The following OLFM2 variants were observed in gnomAD, a reference collection of about 807,000 sequenced individuals.
The protein encoded by OLFM2 is olfactomedin 2.
A neutral mutation model predicts 43.9 loss-of-function variants in OLFM2; 20 were observed. The ratio of observed to expected loss-of-function variants is 0.46; its 90% CI spans 0.32 to 0.66. The LOEUF (loss-of-function observed/expected upper bound fraction) is 0.66. Ranked by LOEUF, OLFM2 falls within the 30% of genes least tolerant of loss-of-function variation. OLFM2 has a pLI of 0.04. For synonymous variants in OLFM2, 268 were observed against 278.6 expected, an observed-to-expected ratio of 0.96 and a Z score of 0.38; for missense variants, 416 against 643.6, an observed-to-expected ratio of 0.65 and a Z score of 3.83.
At chr19:9,902,231 T>C (rs2046746631) in intron 1 of OLFM2, among the ~76,000 whole-genome samples, 1 of 151,362 alleles carries the variant, frequency 6.6e-6, no homozygotes, top group South Asian at 2.1e-4. Flanking sequence ...GGTTTCACCG[T>C]GTTAACCAGG....
chr19:9,859,529 G>A (rs2046350763), intron 2 of OLFM2, among the ~76,000 whole-genome samples: 2 of 152,110 alleles, frequency 1.3e-5, no homozygotes, highest in African/African-American at 4.8e-5. Flanking sequence ...CTGACCTCAA[G>A]TGATACACAT....
chr19:9,922,765 G>C (rs1359706471), intron 1 of OLFM2, among the ~76,000 whole-genome samples: 1 of 151,550 alleles, frequency 6.6e-6, no homozygotes, highest in Non-Finnish European at 1.5e-5. Flanking sequence ...AAAAAAATTC[G>C]CCAGGAGTGG....
chr19:9,900,192 A>C (rs112018588), intron 1 of OLFM2, among the ~76,000 whole-genome samples: 1,525 of 152,094 alleles, frequency 0.01, 25 homozygotes, highest in African/African-American at 0.035. Context: ...CACCCACCCC[A>C]TGGCCAACAG....
At chr19:9,887,281 C>T (rs962850565) in intron 1 of OLFM2, among the ~76,000 whole-genome samples, 1 of 151,782 alleles carries the variant, frequency 6.6e-6, no homozygotes, top group Non-Finnish European at 1.5e-5. Flanking sequence ...CGGGTTAAAG[C>T]GATTCTCCTG....
intron 1 of OLFM2, among the ~76,000 whole-genome samples, chr19:9,913,119 C>T (rs1485698455): frequency 6.6e-6 from 1 of 152,130 alleles, no homozygotes; most frequent in Non-Finnish European, 1.5e-5. Context: ...TCCCGCTGCA[C>T]CCCACTCAGC....
At chr19:9,908,896 G>A (rs943079643) in intron 1 of OLFM2, among the ~76,000 whole-genome samples, 1 of 152,032 alleles carries the variant, frequency 6.6e-6, no homozygotes, top group African/African-American at 2.4e-5. Context: ...TTTTCTTTTG[G>A]GGTTTTGCTA....
intron 1 of OLFM2, among the ~76,000 whole-genome samples, chr19:9,923,133 G>A (rs530370399): frequency 1.3e-5 from 2 of 152,124 alleles, no homozygotes; most frequent in Non-Finnish European, 2.9e-5. Context: ...TTCATGATTC[G>A]AAAATTCCAG....
chr19:9,913,628 C>A (rs1200502829), intron 1 of OLFM2: 4 of 1,286,892 alleles, frequency 3.1e-6, no homozygotes, highest in East Asian at 3.8e-5. Context: ...CGCGCCTCCG[C>A]CTCATGCCCC....
rs1044969482 is a variant in OLFM2, at chr19:9,916,106, C to G, written c.63+20198G>C. On this transcript the variant is annotated intron_variant, in intron 1 of 5. Transcript: ENST00000264833. ...GCACAGTGGCTCATGCCTATAATCC[C>G]AGCACTTTGGGAGGCCGAGGAGGGT... 1.1e-4 allele frequency among the ~76,000 whole-genome samples: 17 copies of G among 152,164 alleles called. 1 individual carries two copies. Among genetic ancestry groups the G allele is most frequent in the Non-Finnish European group, 4.4e-5 (3 of 68,030 alleles).
Position 9,856,757 on chromosome 19 carries a change from G to A in OLFM2, c.687+50C>T, listed in dbSNP as rs757712029. ...CCCTAGGCACCTATGGGCAGTCAAA[G>A]GCTCTGTCCCTCCCAGGCCCTGACC... On this transcript the variant is annotated intron_variant, in intron 5 of 5. Transcript: ENST00000264833. This position sits in a 1 kb window ranked among gnomAD's most constrained non-coding sequence, Gnocchi z 4.0. 1 of 1,479,562 alleles carries A rather than the reference G, an allele frequency of 6.8e-7. No homozygotes were observed. The highest frequency in any genetic ancestry group is 9.4e-7 in the Non-Finnish European group (1 of 1,069,128). 91.7% of individuals were successfully genotyped at this position (1,479,562 alleles called of 1,614,324 possible).
chr19:9,891,693 C>A (rs1468984972), intron 1 of OLFM2, among the ~76,000 whole-genome samples: 2 of 151,884 alleles, frequency 1.3e-5, no homozygotes, highest in African/African-American at 4.8e-5. Flanking sequence ...TAGGCAGAGA[C>A]CCTGCCAACC....
At chr19:9,925,390 G>A (rs374946240) in intron 1 of OLFM2, among the ~76,000 whole-genome samples, 1 of 152,154 alleles carries the variant, frequency 6.6e-6, no homozygotes, top group Non-Finnish European at 1.5e-5. Flanking sequence ...GTAAAATAGC[G>A]CAGTCGCCGT....
intron 1 of OLFM2, among the ~76,000 whole-genome samples, chr19:9,914,911 G>A (rs1401072192): frequency 1.3e-5 from 2 of 152,070 alleles, no homozygotes; most frequent in Non-Finnish European, 2.9e-5. Flanking sequence ...GATGACTCAG[G>A]CCTTTCCAGG....
rs1443065508 is a variant in OLFM2 at position 9,860,666 on chromosome 19, C to T, written c.192G>A (p.Glu64=). The T allele has an allele frequency of 1.9e-6, 3 of 1,592,152 alleles. No individual in the cohort carries two copies. Among genetic ancestry groups the T allele is most frequent in the East Asian group, 2.3e-5 (1 of 44,056 alleles). ...STCSRDGRSR[E]LRQLMEKVQN... ...TCACCTTCTCCATCAGTTGCCGCAG[C>T]TCCCGACTCCTGCCATCTCGAGAGC... Residue 64 remains glutamate, a synonymous_variant, in exon 2 of 6, where the codon GAG becomes GAA. Coordinates refer to ENST00000264833, the MANE Select transcript of OLFM2 (RefSeq NM_058164.4).
chr19:9,934,292 G>A (rs2086502718), intron 1 of OLFM2, among the ~76,000 whole-genome samples: 1 of 152,150 alleles, frequency 6.6e-6, no homozygotes, highest in South Asian at 2.1e-4. Context: ...GCAGCCCGCG[G>A]CAGGATTCCA....
intron 1 of OLFM2, among the ~76,000 whole-genome samples, chr19:9,916,608 C>T (rs2046877898): frequency 6.6e-6 from 1 of 152,182 alleles, no homozygotes; most frequent in African/African-American, 2.4e-5. Context: ...ACCAACTGGG[C>T]TCCAGGCCTC....
intron 1 of OLFM2, among the ~76,000 whole-genome samples, chr19:9,896,304 T>C (rs1342950866): frequency 6.6e-6 from 1 of 152,094 alleles, no homozygotes. Context: ...TTTCACTGTG[T>C]TAGCCAGGAT....
At chr19:9,895,487 C>T (rs562416186) in intron 1 of OLFM2, among the ~76,000 whole-genome samples, 3 of 139,728 alleles carry the variant, frequency 2.1e-5, no homozygotes, top group East Asian at 4.0e-4. Context: ...AGAGTGAGAC[C>T]CTGTCTCAAA....
intron 1 of OLFM2, among the ~76,000 whole-genome samples, chr19:9,883,671 C>T (rs2046560282): frequency 6.6e-6 from 1 of 152,138 alleles, no homozygotes; most frequent in South Asian, 2.1e-4. Context: ...CTGTATCCAT[C>T]CCCGGCTGAG....
Sources: allele counts gnomAD v4.1 joint callset (sites outside exome capture counted in the v4.1 genomes callset), GRCh38; gene constraint gnomAD v4.1.1; non-coding constraint Gnocchi (gnomAD v3.1); transcripts MANE v1.5; gene names NCBI Gene and HGNC (gene_info 2026-07-23, HGNC 2026-07-21).